Variants in CACNA1S observed in about 807,000 individuals in gnomAD.
The protein encoded by CACNA1S is voltage-dependent L-type calcium channel subunit alpha-1S.
CACNA1S carries 126 observed loss-of-function variants against 207.4 expected under a neutral mutation model. That is an observed-to-expected ratio of 0.61 (90% CI 0.53 to 0.70). The LOEUF is 0.70. Ranked by LOEUF, CACNA1S falls within the 30% of genes least tolerant of loss-of-function variation. CACNA1S has a pLI of 0.00. For missense variants in CACNA1S, 2,349 were observed against 2,422.8 expected (o/e 0.97, Z 0.64); for synonymous variants, 960 against 932.7 (o/e 1.03, Z -0.53).
intron 11 of CACNA1S, 117 bp downstream of exon 11, chr1:201,077,762 G>A (rs1022944722): frequency 2.0e-5 from 13 of 662,392 alleles, no homozygotes; most frequent in Non-Finnish European, 2.7e-5. Flanking sequence ...GTCTGGGCAA[G>A]GGACCAGTGG....
rs367616936 is a variant in CACNA1S, at chr1:201,077,374, G to A, written c.1620-247C>T. ...TTAACTTTAGGTCCCATCACTGGAC[G>A]AGAAACCCCGTGAGAATAAGGACAG... On this transcript the variant is annotated intron_variant, in intron 11 of 43. Coordinates refer to ENST00000362061, the MANE Select transcript of CACNA1S (RefSeq NM_000069.3). 2.2e-4 allele frequency among the ~76,000 whole-genome samples: 33 copies of A among 152,314 alleles called. 1 individual carries two copies. In the South Asian group the frequency reaches 6.6e-3, roughly 31 times the overall value.
Position 201,090,008 on chromosome 1 carries a change from C to G in CACNA1S, c.695-545G>C, listed in dbSNP as rs1195382923. On this transcript the variant is annotated intron_variant, in intron 5 of 43. Transcript: ENST00000362061. ...GTTCCCCTGGATGATGCTTTCTTGT[C>G]TCTAAAATCCTGTACTTCTGATGAC... 3.3e-5 allele frequency among the ~76,000 whole-genome samples: 5 copies of G among 152,360 alleles called. No homozygotes were observed. In the East Asian group the frequency reaches 9.6e-4, roughly 29 times the overall value.
intron 15 of CACNA1S, 76 bp from the exon 16 acceptor site, chr1:201,072,900 G>C (rs1232551480): frequency 9.4e-7 from 1 of 1,063,616 alleles, no homozygotes; most frequent in East Asian, 2.4e-5. Flanking sequence ...ATACTGGAGA[G>C]CCTGTTAGCG....
At chr1:201,086,386 G>T (rs1361787756) in intron 7 of CACNA1S, among the ~76,000 whole-genome samples, 1 of 152,248 alleles carries the variant, frequency 6.6e-6, no homozygotes, top group African/African-American at 2.4e-5. Context: ...TAATGACTGG[G>T]ATGCGTTCTG....
In CACNA1S at chr1:201,064,509, A is replaced by G. The variant is rs149703036; in HGVS notation, c.2853+1329T>C. Among the ~76,000 whole-genome samples, 145 of 152,362 alleles carry G rather than the reference A, an allele frequency of 9.5e-4. 1 individual carries two copies. Among genetic ancestry groups the G allele is most frequent in the African/African-American group, 3.2e-3 (131 of 41,582 alleles). On this transcript the variant is annotated intron_variant, in intron 22 of 43. Transcript: ENST00000362061. ...CAGCTCTAGCAGAGGCCCTGGCTCA[A>G]GTATGGAAAACATACTCCATACATG...
At chr1:201,089,586 T>G (rs2102160947) in intron 5 of CACNA1S, 123 bp from the exon 6 acceptor site, 2 of 940,458 alleles carry the variant, frequency 2.1e-6, no homozygotes, top group Non-Finnish European at 3.3e-6. Flanking sequence ...CTGCTGAAAA[T>G]GCAAAAGACA....
At chr1:201,040,460 T>C in intron 42 of CACNA1S, 86 bp from the exon 43 acceptor site, 1 of 1,542,244 alleles carries the variant, frequency 6.5e-7, no homozygotes, top group Non-Finnish European at 8.9e-7. Flanking sequence ...TGAGGGCAAC[T>C]CAACCAAGAT....
chr1:201,063,846 G>T (rs1283693392), intron 22 of CACNA1S, among the ~76,000 whole-genome samples: 1 of 152,206 alleles, frequency 6.6e-6, no homozygotes, highest in Non-Finnish European at 1.5e-5. Flanking sequence ...GGATAGAGCT[G>T]CCACTGGGCA....
intron 38 of CACNA1S, among the ~76,000 whole-genome samples, chr1:201,046,827 C>A (rs1029718429): frequency 1.3e-5 from 2 of 152,236 alleles, no homozygotes; most frequent in Non-Finnish European, 2.9e-5. Context: ...AGCCACTGCG[C>A]CTGGCCTAGA....
chr1:201,093,362 A>C (rs1166407081), intron 3 of CACNA1S, among the ~76,000 whole-genome samples: 1 of 152,232 alleles, frequency 6.6e-6, no homozygotes, highest in Non-Finnish European at 1.5e-5. Flanking sequence ...ACCTGCCAGC[A>C]TCTTGACCTT....
chr1:201,050,927 C>T, intron 33 of CACNA1S, 57 bp downstream of exon 33: 2 of 1,566,784 alleles, frequency 1.3e-6, no homozygotes, highest in Non-Finnish European at 1.8e-6. Flanking sequence ...GGCAGGCTCC[C>T]CCATGCCTCA....
At chr1:201,059,168 C>G in intron 27 of CACNA1S, 21 bp downstream of exon 27, 1 of 1,507,488 alleles carries the variant, frequency 6.6e-7, no homozygotes, top group Non-Finnish European at 9.2e-7. Context: ...TCTCATCTGG[C>G]CCGGTGGCCC....
chr1:201,069,592 G>A lies in CACNA1S; in HGVS notation c.2370C>T (p.Val790=). ...TGGCATTGACGATGCGGTGACACAG[G>A]ACACGGATCCTGGTGGGGCGAGGTA... ...FIFSPTNKIR[V]LCHRIVNATW... is the part of the protein sequence containing the mutation. Residue 790 remains valine (V), a synonymous_variant, in exon 18 of 44, where the codon GTC becomes GTT. Coordinates refer to ENST00000362061, the MANE Select transcript of CACNA1S (RefSeq NM_000069.3). 1 of 1,555,988 alleles carries A rather than the reference G, an allele frequency of 6.4e-7. No individual in the cohort carries two copies. Among genetic ancestry groups the A allele is most frequent in the South Asian group, 1.2e-5 (1 of 84,304 alleles).
Position 201,091,803 on chromosome 1 carries a change from A to AG in CACNA1S, c.542-12dup. On this transcript the variant is annotated splice_polypyrimidine_tract_variant and intron_variant, in intron 4 of 43. Coordinates refer to ENST00000362061, the MANE Select transcript of CACNA1S (RefSeq NM_000069.3). ...GGACCACCTGCAGGCCTGCAGAGGC[A>AG]GGCAGGGAAGGGAAAAGAGGAGTCG... 6.2e-7 allele frequency: 1 copy of AG among 1,611,862 alleles called. No individual in the cohort carries two copies. The highest frequency in any genetic ancestry group is 8.5e-7 in the Non-Finnish European group (1 of 1,178,786).
intron 34 of CACNA1S, among the ~76,000 whole-genome samples, chr1:201,049,724 C>T (rs903913090): frequency 1.3e-5 from 2 of 152,174 alleles, no homozygotes; most frequent in African/African-American, 4.8e-5. Flanking sequence ...GAATGAGGAC[C>T]TGTGGGTGGC....
intron 27 of CACNA1S, 151 bp downstream of exon 27, chr1:201,059,038 G>C (rs1391723808): frequency 3.2e-6 from 2 of 619,752 alleles, no homozygotes; most frequent in East Asian, 5.5e-5. Flanking sequence ...TGTGTCTGAA[G>C]GTGGAAGTGG....
chr1:201,044,872 C>A (rs1192967382), intron 38 of CACNA1S, among the ~76,000 whole-genome samples: 1 of 152,174 alleles, frequency 6.6e-6, no homozygotes, highest in Non-Finnish European at 1.5e-5. Context: ...AAAGCCCCAG[C>A]CTAGGCCCCA....
Position 201,093,863 on chromosome 1 carries a change from C to T in CACNA1S, c.398+19G>A. On this transcript the variant is annotated intron_variant, in intron 3 of 43. Coordinates refer to ENST00000362061, the MANE Select transcript of CACNA1S (RefSeq NM_000069.3). ...TCAGCGAGGGTCTGACCTTCAGTCT[C>T]CCCACACCCAGCTCTCACCCCAGGA... 6.2e-7 allele frequency: 1 copy of T among 1,613,688 alleles called. No homozygotes were observed. Among genetic ancestry groups the T allele is most frequent in the Non-Finnish European group, 8.5e-7 (1 of 1,179,936 alleles).
Position 201,112,254 on chromosome 1 carries a change from C to A in CACNA1S, c.86G>T (p.Arg29Leu). The part of the protein sequence containing the change: ...PVPEILPRPP[R>L]ALFCLTLENP... ...CTCCAGGGTCAGGCAGAACAAGGCC[C>A]GGGGTGGCCTTGGCAGAATCTCAGG... Residue 29 changes from arginine to leucine, a missense_variant, in exon 1 of 44, where the codon CGG becomes CTG. By Grantham distance (102) the Arg-to-Leu change is moderately radical (BLOSUM62 -2). Coordinates refer to ENST00000362061, the MANE Select transcript of CACNA1S (RefSeq NM_000069.3). 2 of 1,613,974 alleles carry A rather than the reference C, an allele frequency of 1.2e-6. No homozygotes were observed. Among genetic ancestry groups the A allele is most frequent in the South Asian group, 1.1e-5 (1 of 91,072 alleles).
Sources: allele counts gnomAD v4.1 joint callset (sites outside exome capture counted in the v4.1 genomes callset), GRCh38; gene constraint gnomAD v4.1.1; transcripts MANE v1.5; gene names NCBI Gene and HGNC (gene_info 2026-07-23, HGNC 2026-07-21).